Variants in RAB27A observed in about 807,000 individuals in gnomAD.
RAB27A encodes RAB27A, member RAS oncogene family.
In RAB27A, 17 loss-of-function variants were observed where a neutral mutation model predicts 20.8. That is an observed-to-expected ratio of 0.82 (90% CI 0.56 to 1.23). The LOEUF is 1.23. Among genes scored for constraint, RAB27A ranks in the 50% most tolerant of loss-of-function variants. RAB27A has a pLI of 0.00. For missense variants in RAB27A, 277 were observed against 266.7 expected (o/e 1.04, Z -0.27); for synonymous variants, 85 against 92.8 (o/e 0.92, Z 0.48).
chr15:55,289,778 C>T lies in RAB27A; in HGVS notation c.-205G>A, dbSNP rs1418146325. 6.5e-6 allele frequency: 1 copy of T among 153,026 alleles called. No homozygotes were observed. The highest frequency in any genetic ancestry group is 2.4e-5 in the African/African-American group (1 of 41,476). The allele number at this position is 153,026 out of a possible 1,614,324, so 9.5% of individuals were successfully genotyped here. A position where few individuals can be genotyped will look rare whatever the true frequency, so the allele number is the denominator to read the frequency against. ...GTCCTCGCGCGCCGCGTCCACCCGC[C>T]GCCGGCCTTTTTTGGGTCGTTGGCG... On this transcript the variant is annotated 5_prime_UTR_variant, in exon 1 of 7. Transcript: ENST00000336787.
intron 6 of RAB27A, among the ~76,000 whole-genome samples, chr15:55,221,229 A>C (rs1895554690): frequency 6.6e-6 from 1 of 152,196 alleles, no homozygotes; most frequent in Admixed American, 6.5e-5. Flanking sequence ...AGTACTTGAG[A>C]ATATACTTGA....
chr15:55,240,861 T>C (rs1049410682), intron 2 of RAB27A, among the ~76,000 whole-genome samples: 1 of 152,152 alleles, frequency 6.6e-6, no homozygotes, highest in Admixed American at 6.6e-5. Context: ...GCAATTGCAA[T>C]AGAGATACAA....
At chr15:55,219,617 T>C (rs749044177) in intron 6 of RAB27A, among the ~76,000 whole-genome samples, 13 of 152,352 alleles carry the variant, frequency 8.5e-5, no homozygotes, top group Non-Finnish European at 1.8e-4. Flanking sequence ...GCTTGAGATC[T>C]AATAGTGTCT....
chr15:55,303,087 G>A (rs1238155807), intron 2 of RAB27A, among the ~76,000 whole-genome samples: 1 of 140,350 alleles, frequency 7.1e-6, no homozygotes, highest in African/African-American at 2.6e-5. Context: ...GGAGGTGGGG[G>A]GGTCAGCCCC....
At chr15:55,221,149 G>A (rs1047781475) in intron 6 of RAB27A, among the ~76,000 whole-genome samples, 16 of 152,158 alleles carry the variant, frequency 1.1e-4, no homozygotes, top group South Asian at 2.1e-4. Context: ...TCCTAAGACC[G>A]AGGGCACAGG....
intron 1 of RAB27A, among the ~76,000 whole-genome samples, chr15:55,273,366 G>A (rs774527318): frequency 8.1e-4 from 120 of 148,622 alleles, no homozygotes; most frequent in African/African-American, 2.8e-3. Flanking sequence ...CCAAGATCGC[G>A]CCACTGCACT....
intron 1 of RAB27A, among the ~76,000 whole-genome samples, chr15:55,280,860 G>C (rs1385352133): frequency 6.6e-6 from 1 of 152,094 alleles, no homozygotes; most frequent in East Asian, 1.9e-4. Flanking sequence ...TGGCTGCATA[G>C]TATTCCATGG....
chr15:55,259,673 T>A (rs1897205750), intron 2 of RAB27A, among the ~76,000 whole-genome samples: 1 of 152,234 alleles, frequency 6.6e-6, no homozygotes. Flanking sequence ...TTTAATACAC[T>A]GAGAATTCAA....
upstream of RAB27A, chr15:55,290,300 C>T (rs1898276615): frequency 6.6e-6 from 1 of 152,234 alleles, no homozygotes; most frequent in Admixed American, 6.5e-5. Context: ...AGGCGGCGTC[C>T]CAGGCCCGGC....
intron 2 of RAB27A, among the ~76,000 whole-genome samples, chr15:55,298,089 C>T (rs2054956928): frequency 6.6e-6 from 1 of 151,564 alleles, no homozygotes; most frequent in South Asian, 2.1e-4. Flanking sequence ...ACTGTAGTCA[C>T]AGCTACTTGA....
chr15:55,302,515 G>A (rs1050526805), intron 2 of RAB27A, among the ~76,000 whole-genome samples: 6 of 151,902 alleles, frequency 3.9e-5, no homozygotes, highest in Admixed American at 1.3e-4. Context: ...GAAGTGAGGA[G>A]CGTCTCTGCC....
intron 1 of RAB27A, among the ~76,000 whole-genome samples, chr15:55,271,699 ACAAT>A (rs1897711960): frequency 6.6e-6 from 1 of 152,212 alleles, no homozygotes; most frequent in Admixed American, 6.5e-5. Context: ...CATTCACCCC[ACAAT>A]CACTTATTGA....
chr15:55,287,350 G>A (rs1898184052), intron 1 of RAB27A, among the ~76,000 whole-genome samples: 1 of 152,186 alleles, frequency 6.6e-6, no homozygotes, highest in Non-Finnish European at 1.5e-5. Flanking sequence ...GCAGCTTTGG[G>A]AGAGAAAACT....
At chr15:55,257,767 C>T (rs896982635) in intron 2 of RAB27A, among the ~76,000 whole-genome samples, 6 of 152,120 alleles carry the variant, frequency 3.9e-5, no homozygotes, top group Non-Finnish European at 7.4e-5. Flanking sequence ...CCAAAGCTGG[C>T]GGATCACCTG....
chr15:55,242,915 C>A (rs1173885732), intron 2 of RAB27A, among the ~76,000 whole-genome samples: 5 of 152,176 alleles, frequency 3.3e-5, no homozygotes, highest in African/African-American at 1.2e-4. Context: ...GTCATGTATG[C>A]ATATTTTTCT....
intron 2 of RAB27A, among the ~76,000 whole-genome samples, chr15:55,313,461 G>A (rs1305602199): frequency 2.0e-5 from 3 of 152,084 alleles, no homozygotes; most frequent in African/African-American, 7.2e-5. Context: ...TAAAGGTACT[G>A]AATAAATCCA....
chr15:55,252,419 G>A (rs1240718611), intron 2 of RAB27A, among the ~76,000 whole-genome samples: 1 of 152,040 alleles, frequency 6.6e-6, no homozygotes, highest in Non-Finnish European at 1.5e-5. Context: ...TGGCCAACAT[G>A]GGGAAACCCC....
At position 55,234,885 on chromosome 15, in the gene RAB27A, T is replaced by G. The variant is rs1896190132; in HGVS notation, c.50A>C (p.Asp17Ala). The G allele has an allele frequency of 6.2e-7, 1 of 1,612,590 alleles. No individual in the cohort carries two copies. The highest frequency in any genetic ancestry group is 1.3e-5 in the African/African-American group (1 of 74,822). Residue 17 changes from aspartate (D) to alanine (A), a missense_variant, in exon 3 of 7, where the codon GAC becomes GCC. Transcript: ENST00000336787. ...DYLIKFLALGDSGVGKTSVLY... is the reference protein window; with the variant it reads ...DYLIKFLALGASGVGKTSVLY... ...TACACTGGTCTTCCCTACACCAGAG[T>G]CTCCCAAAGCTAAAAACTTGATGAG...
chr15:55,270,633 T>C (rs969664651), intron 1 of RAB27A: 6 of 152,214 alleles, frequency 3.9e-5, no homozygotes, highest in African/African-American at 1.4e-4. Context: ...GAAAGTGCCT[T>C]GTATTCTCAA....
Sources: allele counts gnomAD v4.1 joint callset (sites outside exome capture counted in the v4.1 genomes callset), GRCh38; gene constraint gnomAD v4.1.1; transcripts MANE v1.5; gene names NCBI Gene and HGNC (gene_info 2026-07-23, HGNC 2026-07-21).